The following DMD variants were observed in gnomAD, a reference collection of about 807,000 sequenced individuals.
DMD encodes the protein dystrophin.
In DMD, 63 loss-of-function variants were observed where a neutral mutation model predicts 330.1. That is an observed-to-expected ratio of 0.19 (90% confidence interval 0.16 to 0.24). DMD has a LOEUF of 0.24. Ranked by LOEUF, DMD falls within the 10% of genes least tolerant of loss-of-function variation. The pLI is 1.00. For synonymous variants in DMD, 1,223 were observed against 959.8 expected (o/e 1.27, Z -5.07); for missense variants, 3,344 against 2,684.1 (o/e 1.25, Z -5.43).
chrX:33,206,647 T>A (rs763599523), intron 1 of DMD, among the ~76,000 whole-genome samples: 14 of 111,734 alleles, frequency 1.3e-4, no homozygotes, highest in Admixed American at 1.0e-3. Flanking sequence ...CTCCAGAAAA[T>A]TGCTCTGTGT....
intron 44 of DMD, among the ~76,000 whole-genome samples, chrX:32,097,235 T>A (rs1033988931): frequency 1.8e-5 from 2 of 110,932 alleles, no homozygotes; most frequent in African/African-American, 6.6e-5. Flanking sequence ...TTTGTCCTAA[T>A]GCTCTCCCTC....
intron 54 of DMD, among the ~76,000 whole-genome samples, chrX:31,631,669 A>G (rs2079143493): frequency 1.8e-5 from 2 of 111,533 alleles, no homozygotes; most frequent in East Asian, 2.8e-4. Flanking sequence ...GCACTCTCCA[A>G]TAAAATTCCT....
chrX:32,866,221 C>T (rs974663765), intron 2 of DMD, among the ~76,000 whole-genome samples: 1 of 112,031 alleles, frequency 8.9e-6, no homozygotes, highest in Non-Finnish European at 1.9e-5. Flanking sequence ...GAGCTGAGAT[C>T]AGCAAAGCCC....
At chrX:32,985,734 C>CA (rs1267084550) in intron 2 of DMD, among the ~76,000 whole-genome samples, 1 of 111,897 alleles carries the variant, frequency 8.9e-6, no homozygotes, top group Non-Finnish European at 1.9e-5. Flanking sequence ...CAGTCGCTGT[C>CA]ATGCAGCTGC....
At chrX:31,626,801 A>G (rs1375308080) in intron 55 of DMD, among the ~76,000 whole-genome samples, 1 of 112,417 alleles carries the variant, frequency 8.9e-6, no homozygotes, top group Non-Finnish European at 1.9e-5. Flanking sequence ...TAATAGTTTC[A>G]TAATAGTTTT....
At chrX:31,240,492 A>C (rs1198573324) in intron 63 of DMD, among the ~76,000 whole-genome samples, 1 of 111,432 alleles carries the variant, frequency 9.0e-6, no homozygotes, top group Admixed American at 9.6e-5. Flanking sequence ...TGAGTATTAA[A>C]TCTATCTATC....
intron 54 of DMD, among the ~76,000 whole-genome samples, chrX:31,628,244 T>C (rs762808617): frequency 2.7e-5 from 3 of 110,107 alleles, no homozygotes; most frequent in African/African-American, 6.7e-5. Flanking sequence ...TTATTTTTAA[T>C]ATACTGCCAA....
intron 13 of DMD, among the ~76,000 whole-genome samples, chrX:32,582,622 T>C (rs2053772614): frequency 9.0e-6 from 1 of 111,417 alleles, no homozygotes. Context: ...TCACAAGCTG[T>C]TCTTAAAATT....
intron 48 of DMD, among the ~76,000 whole-genome samples, chrX:31,871,407 G>A (rs1307726716): frequency 9.0e-6 from 1 of 110,671 alleles, no homozygotes; most frequent in African/African-American, 3.3e-5. Flanking sequence ...TTTTTATCTG[G>A]GTTTCACTAC....
At chrX:32,348,319 A>C (rs2097770656) in intron 38 of DMD, 87 bp downstream of exon 38, 6 of 968,505 alleles carry the variant, frequency 6.2e-6, no homozygotes, top group African/African-American at 1.9e-5. Context: ...ATGTGCTCTG[A>C]AAATTCAGTT....
chrX:32,240,531 A>G (rs779102792), intron 43 of DMD, among the ~76,000 whole-genome samples: 2 of 111,582 alleles, frequency 1.8e-5, no homozygotes, highest in Admixed American at 1.9e-4. Flanking sequence ...TTTATAAGGC[A>G]TCCAGTCTAT....
intron 2 of DMD, among the ~76,000 whole-genome samples, chrX:32,893,933 C>G: frequency 9.0e-6 from 1 of 110,658 alleles, no homozygotes. Context: ...TATCTAGTGA[C>G]AACCTATGAA....
chrX:32,691,296 A>T (rs2063262123), intron 9 of DMD, among the ~76,000 whole-genome samples: 1 of 107,394 alleles, frequency 9.3e-6, no homozygotes, highest in Non-Finnish European at 1.9e-5. Context: ...TAAAATATAT[A>T]AAGAATTCCT....
intron 50 of DMD, among the ~76,000 whole-genome samples, chrX:31,807,713 G>C (rs773145462): frequency 5.4e-5 from 6 of 112,065 alleles, no homozygotes; most frequent in Non-Finnish European, 1.1e-4. Context: ...AAACGGAAAA[G>C]AAAGGGGAAG....
chrX:31,482,237 G>C (rs751530958), intron 57 of DMD, among the ~76,000 whole-genome samples: 26 of 94,097 alleles, frequency 2.8e-4, no homozygotes, highest in African/African-American at 1.3e-3. Context: ...GTGTGTGTGT[G>C]GGGGGGGTGT....
At chrX:32,731,436 TG>T (rs1438210708) in intron 7 of DMD, among the ~76,000 whole-genome samples, 5 of 112,817 alleles carry the variant, frequency 4.4e-5, no homozygotes, top group Non-Finnish European at 9.4e-5. Flanking sequence ...TGCCTGCCTC[TG>T]TAGGCTCCAC....
At chrX:32,816,445 T>C (rs2077768290) in intron 6 of DMD, 23 bp downstream of exon 6, 1 of 1,208,304 alleles carries the variant, frequency 8.3e-7, no homozygotes, top group East Asian at 3.0e-5. Flanking sequence ...ACAAGTTATT[T>C]AATGTCTCAG....
At chrX:32,730,643 A>G (rs1488079507) in intron 7 of DMD, among the ~76,000 whole-genome samples, 1 of 112,265 alleles carries the variant, frequency 8.9e-6, no homozygotes, top group Non-Finnish European at 1.9e-5. Flanking sequence ...TAGAAAGCCT[A>G]TGAAAAATAT....
intron 2 of DMD, among the ~76,000 whole-genome samples, chrX:32,859,444 T>A (rs1257505224): frequency 9.9e-6 from 1 of 101,414 alleles, no homozygotes; most frequent in Non-Finnish European, 2.0e-5. Flanking sequence ...CTCCGGCCTT[T>A]GTGACGAAGC....
Sources: allele counts gnomAD v4.1 joint callset (sites outside exome capture counted in the v4.1 genomes callset), GRCh38; gene constraint gnomAD v4.1.1; transcripts MANE v1.5; gene names NCBI Gene and HGNC (gene_info 2026-07-23, HGNC 2026-07-21).